FBXL17: variants seen among roughly 807,000 people sequenced by gnomAD.
The protein encoded by FBXL17 is F-box/LRR-repeat protein 17.
In FBXL17, 22 loss-of-function variants were observed where a neutral mutation model predicts 66.2. The observed-to-expected ratio is 0.33, with a 90% CI of 0.24 to 0.47. FBXL17 has a LOEUF of 0.47. Among genes scored for constraint, FBXL17 ranks in the 20% least tolerant of loss-of-function variants. The pLI is 1.00. For missense variants in FBXL17, 878 were observed against 948.2 expected (o/e 0.93, Z 0.97); for synonymous variants, 474 against 400.5 (o/e 1.18, Z -2.19).
intron 7 of FBXL17, among the ~76,000 whole-genome samples, chr5:107,881,405 C>T (rs1748786248): frequency 6.6e-6 from 1 of 152,196 alleles, no homozygotes; most frequent in South Asian, 2.1e-4. Flanking sequence ...TCATTGAACA[C>T]AACCTTTTAT....
chr5:107,997,177 G>A (rs1753508133), intron 7 of FBXL17, among the ~76,000 whole-genome samples: 1 of 152,052 alleles, frequency 6.6e-6, no homozygotes, highest in Admixed American at 6.6e-5. Flanking sequence ...TTTAAATCCT[G>A]TTTCTACTGT....
intron 4 of FBXL17, among the ~76,000 whole-genome samples, chr5:108,253,476 A>G (rs974470439): frequency 6.6e-6 from 1 of 152,120 alleles, no homozygotes; most frequent in Non-Finnish European, 1.5e-5. Context: ...GGTTCTTTCA[A>G]TGTCATATGT....
intron 7 of FBXL17, among the ~76,000 whole-genome samples, chr5:108,010,188 C>T (rs1754122512): frequency 6.6e-6 from 1 of 152,176 alleles, no homozygotes; most frequent in Non-Finnish European, 1.5e-5. Context: ...TAATACCATA[C>T]AGTTTTGAAC....
chr5:108,205,371 A>T (rs1754075585), intron 5 of FBXL17, among the ~76,000 whole-genome samples: 1 of 152,202 alleles, frequency 6.6e-6, no homozygotes, highest in Non-Finnish European at 1.5e-5. Context: ...TTTAACAAGC[A>T]TACCACTATC....
chr5:108,177,591 T>C (rs1752838543), intron 6 of FBXL17, among the ~76,000 whole-genome samples: 1 of 152,014 alleles, frequency 6.6e-6, no homozygotes, highest in South Asian at 2.1e-4. Context: ...GTTGGAACTA[T>C]CCTGGTCAAA....
chr5:108,112,956 A>T (rs942715365), intron 6 of FBXL17, among the ~76,000 whole-genome samples: 2 of 148,124 alleles, frequency 1.4e-5, no homozygotes, highest in Non-Finnish European at 3.0e-5. Flanking sequence ...TTCTTAATTC[A>T]CCATTCATAT....
chr5:107,947,346 G>T (rs144846029), intron 7 of FBXL17, among the ~76,000 whole-genome samples: 2 of 152,358 alleles, frequency 1.3e-5, no homozygotes, highest in African/African-American at 4.8e-5. Context: ...CCTTGCCTGG[G>T]CTGGGAGGTG....
intron 4 of FBXL17, among the ~76,000 whole-genome samples, chr5:108,308,426 C>T (rs1758957956): frequency 6.6e-6 from 1 of 152,032 alleles, no homozygotes. Context: ...CCCACAATCA[C>T]AAGGCTAGTA....
intron 3 of FBXL17, among the ~76,000 whole-genome samples, chr5:108,356,851 T>G (rs1316074563): frequency 1.3e-5 from 2 of 152,074 alleles, no homozygotes; most frequent in African/African-American, 2.4e-5. Flanking sequence ...CAATGAAGAT[T>G]TATTGATTAT....
At chr5:108,309,558 T>C (rs1349497726) in intron 4 of FBXL17, among the ~76,000 whole-genome samples, 2 of 152,160 alleles carry the variant, frequency 1.3e-5, no homozygotes, top group African/African-American at 4.8e-5. Flanking sequence ...ATCAAATAAA[T>C]TAATATATAC....
chr5:108,327,963 A>C (rs1214900388), intron 4 of FBXL17, among the ~76,000 whole-genome samples: 2 of 152,176 alleles, frequency 1.3e-5, no homozygotes, highest in African/African-American at 4.8e-5. Flanking sequence ...TCCAATCTAT[A>C]CATTTAAAAA....
intron 6 of FBXL17, among the ~76,000 whole-genome samples, chr5:108,047,218 A>G (rs908098772): frequency 1.3e-5 from 2 of 152,230 alleles, no homozygotes; most frequent in African/African-American, 4.8e-5. Flanking sequence ...CACACGGGGC[A>G]GGGGAGCCAC....
At chr5:108,260,146 A>G (rs1756751196) in intron 4 of FBXL17, among the ~76,000 whole-genome samples, 1 of 152,172 alleles carries the variant, frequency 6.6e-6, no homozygotes, top group Non-Finnish European at 1.5e-5. Flanking sequence ...AAAGATAGGT[A>G]AAGCATACAT....
intron 6 of FBXL17, among the ~76,000 whole-genome samples, chr5:108,058,649 T>A (rs946271259): frequency 6.6e-6 from 1 of 152,092 alleles, no homozygotes; most frequent in African/African-American, 2.4e-5. Context: ...CACACCCGGC[T>A]AATTTTTTGT....
intron 8 of FBXL17, chr5:107,879,915 T>C: frequency 1.4e-5 from 14 of 985,446 alleles, no homozygotes; most frequent in Non-Finnish European, 1.7e-5. Flanking sequence ...GCATGAAGTC[T>C]TGCCAGAGTA....
intron 6 of FBXL17, among the ~76,000 whole-genome samples, chr5:108,101,858 T>G (rs1749613429): frequency 6.6e-6 from 1 of 152,182 alleles, no homozygotes; most frequent in Admixed American, 6.5e-5. Context: ...GCATGCCACT[T>G]AAGTTTGGGA....
intron 6 of FBXL17, among the ~76,000 whole-genome samples, chr5:108,126,644 T>TCC (rs1750713827): frequency 1.3e-5 from 1 of 75,134 alleles, no homozygotes; most frequent in Non-Finnish European, 2.7e-5. Flanking sequence ...TCTCTCTCTC[T>TCC]CTCTCTCTAT....
intron 6 of FBXL17, among the ~76,000 whole-genome samples, chr5:108,051,493 CAT>C (rs1747472438): frequency 6.6e-6 from 1 of 152,182 alleles, no homozygotes; most frequent in Non-Finnish European, 1.5e-5. Context: ...ACAAAAAACA[CAT>C]GATTATCTCA....
chr5:108,330,315 C>A (rs756734177), intron 4 of FBXL17, among the ~76,000 whole-genome samples: 27 of 152,252 alleles, frequency 1.8e-4, no homozygotes, highest in Admixed American at 2.6e-4. Flanking sequence ...AATGACTGAT[C>A]TACATCGAGA....
Sources: gnomAD v4.1 joint callset for allele counts (sites outside exome capture counted in the v4.1 genomes callset) on GRCh38, gnomAD v4.1.1 for gene constraint, MANE v1.5 for transcripts, NCBI Gene and HGNC (gene_info 2026-07-23, HGNC 2026-07-21) for gene names.